Variants in ABCC12 observed in about 807,000 individuals in gnomAD.
ABCC12 encodes ATP binding cassette subfamily C member 12.
A neutral mutation model predicts 151.1 loss-of-function variants in ABCC12; 142 were observed. The ratio of observed to expected loss-of-function variants is 0.94; its 90% CI spans 0.82 to 1.08. The LOEUF is 1.08. ABCC12 is among the 50% of genes least tolerant of loss of function. The probability of loss-of-function intolerance (pLI) is 0.00; values close to 1 mark genes in which losing one functional copy is unlikely to be tolerated. For missense variants in ABCC12, 1,638 were observed against 1,691.1 expected (o/e 0.97, Z 0.55); for synonymous variants, 645 against 646.4 (o/e 1.00, Z 0.03).
chr16:48,131,685 G>A (rs1437455559), intron 9 of ABCC12, among the ~76,000 whole-genome samples: 1 of 152,056 alleles, frequency 6.6e-6, no homozygotes, highest in Non-Finnish European at 1.5e-5. Flanking sequence ...ATTAGCAGCC[G>A]CTCCCTAGCT....
chr16:48,109,629 C>T (rs572309296), intron 18 of ABCC12, among the ~76,000 whole-genome samples: 23 of 152,356 alleles, frequency 1.5e-4, no homozygotes, highest in Admixed American at 9.1e-4. Context: ...CCATTATACT[C>T]GCTGCCTGGG....
chr16:48,149,077 C>T (rs1271736549), intron 2 of ABCC12, among the ~76,000 whole-genome samples: 1 of 151,646 alleles, frequency 6.6e-6, no homozygotes, highest in Non-Finnish European at 1.5e-5. Flanking sequence ...CAATAACACA[C>T]AGTAAAATAT....
Position 48,089,945 on chromosome 16 carries a change from T to G in ABCC12, c.3285+1175A>C, listed in dbSNP as rs182429157. ...TGTTTATAAGTTTAATTAATTAAAT[T>G]TGTACAAACTCAAGAAGGTTTGTTG... On this transcript the variant is annotated intron_variant, in intron 25 of 30. Coordinates refer to ENST00000311303, the MANE Select transcript of ABCC12 (RefSeq NM_001393797.1). 3.6e-3 allele frequency among the ~76,000 whole-genome samples: 547 copies of G among 151,934 alleles called. 10 individuals are homozygous for G. The highest frequency in any genetic ancestry group is 0.012 in the African/African-American group (507 of 41,196).
intron 24 of ABCC12, 171 bp from the exon 25 acceptor site, chr16:48,091,380 G>C: frequency 1.6e-6 from 1 of 622,752 alleles, no homozygotes; most frequent in South Asian, 1.9e-5. Flanking sequence ...AGATATTCCT[G>C]TTCGGGTGTT....
At chr16:48,140,994 C>A in intron 5 of ABCC12, 74 bp from the exon 6 acceptor site, 4 of 1,468,650 alleles carry the variant, frequency 2.7e-6, no homozygotes, top group Non-Finnish European at 3.7e-6. Flanking sequence ...TCAGATCATG[C>A]CAGCAAGCTG....
intron 25 of ABCC12, among the ~76,000 whole-genome samples, chr16:48,090,379 C>T (rs968045627): frequency 5.3e-5 from 8 of 151,564 alleles, no homozygotes; most frequent in Admixed American, 3.9e-4. Context: ...AGGTGCATGC[C>T]ACCACACGTG....
intron 10 of ABCC12, among the ~76,000 whole-genome samples, chr16:48,129,086 A>G (rs1466505818): frequency 1.3e-5 from 2 of 152,248 alleles, no homozygotes; most frequent in East Asian, 3.8e-4. Flanking sequence ...AATCAAGGTC[A>G]TATGCTCAGT....
At position 48,124,201 on chromosome 16, in the gene ABCC12, C is replaced by G. The variant is rs1457152506; in HGVS notation, c.1587+12G>C. The G allele has an allele frequency of 6.2e-7, 1 of 1,613,428 alleles. No individual in the cohort carries two copies. Among genetic ancestry groups the G allele is most frequent in the Admixed American group, 1.7e-5 (1 of 60,026 alleles). On this transcript the variant is annotated intron_variant, in intron 12 of 30. Coordinates refer to ENST00000311303, the MANE Select transcript of ABCC12 (RefSeq NM_001393797.1). ...AATGTTCCATCTTCACAGCACTCAT[C>G]ACACAGCTTACCTGTCCTAGGAGAG...
At chr16:48,153,103 A>C (rs1333190111) in intron 2 of ABCC12, among the ~76,000 whole-genome samples, 2 of 152,176 alleles carry the variant, frequency 1.3e-5, no homozygotes, top group Non-Finnish European at 2.9e-5. Context: ...CTCCTGCTCT[A>C]AAAAAATAAA....
Position 48,100,873 on chromosome 16 carries a change from A to G in ABCC12, c.3037T>C (p.Tyr1013His), listed in dbSNP as rs6500304. 0.014 allele frequency: 22,958 copies of G among 1,613,850 alleles called. 2,809 individuals carry two copies. In the African/African-American group the frequency reaches 0.27, roughly 19 times the overall value. ...GGCAGGGCCCCACATGGGACTCACT[A>G]GGTGATGCAGCTCTCCTTCTTGCCA... Reference protein sequence around the residue: ...AYGKKESCITYHLLYFNCALR... With the variant: ...AYGKKESCITHHLLYFNCALR... Residue 1013 changes from tyrosine (Y) to histidine (H), a missense_variant and splice_region_variant, in exon 23 of 31, where the codon TAT becomes CAT. Physicochemically the swap from Tyr to His is moderately conservative, Grantham distance 83 (BLOSUM62 2). Coordinates refer to ENST00000311303, the MANE Select transcript of ABCC12 (RefSeq NM_001393797.1).
At position 48,088,619 on chromosome 16, in the gene ABCC12, G is replaced by T. The variant is rs138255381; in HGVS notation, c.3401C>A (p.Pro1134His). 1.2e-5 allele frequency: 19 copies of T among 1,614,084 alleles called. No homozygotes were observed. In the African/African-American group the frequency reaches 1.3e-4, roughly 11 times the overall value. Reference protein sequence around the residue: ...DYQMRYRDNTPLVLDSLNLNI... With the variant: ...DYQMRYRDNTHLVLDSLNLNI... ...CAAGTTCAGGCTGTCGAGAACAAGG[G>T]GGGTGTTGTCTCTGTATCTCATCTG... The change falls in exon 26 of 31, where the codon CCC becomes CAC. Residue 1134 changes from proline (P) to histidine (H), a missense_variant. Transcript: ENST00000311303.
At chr16:48,126,335 C>T (rs964992551) in intron 11 of ABCC12, among the ~76,000 whole-genome samples, 1 of 152,138 alleles carries the variant, frequency 6.6e-6, no homozygotes, top group African/African-American at 2.4e-5. Flanking sequence ...AGGCCTGTAT[C>T]CTCTGATGAT....
intron 18 of ABCC12, among the ~76,000 whole-genome samples, chr16:48,109,783 C>T (rs1385500823): frequency 1.3e-5 from 2 of 152,264 alleles, no homozygotes; most frequent in East Asian, 3.8e-4. Flanking sequence ...TGGTCACATT[C>T]CCTCGCAGCC....
chr16:48,107,448 C>G, intron 19 of ABCC12, 23 bp from the exon 20 acceptor site: 1 of 1,602,166 alleles, frequency 6.2e-7, no homozygotes, highest in South Asian at 1.1e-5. Flanking sequence ...CGGAGAGGCC[C>G]AAGGGGCTGC....
intron 10 of ABCC12, among the ~76,000 whole-genome samples, chr16:48,130,057 C>T (rs1298846730): frequency 6.6e-6 from 1 of 152,182 alleles, no homozygotes; most frequent in Non-Finnish European, 1.5e-5. Flanking sequence ...AATCAGGATG[C>T]TTACGATGAC....
intron 11 of ABCC12, among the ~76,000 whole-genome samples, chr16:48,127,419 A>G (rs975249580): frequency 2.6e-5 from 4 of 152,162 alleles, no homozygotes; most frequent in Non-Finnish European, 5.9e-5. Flanking sequence ...TCTTGAGGGG[A>G]GAGAACAACA....
chr16:48,096,695 T>C (rs763443563), intron 24 of ABCC12, 51 bp downstream of exon 24: 1 of 1,589,214 alleles, frequency 6.3e-7, no homozygotes, highest in Admixed American at 1.7e-5. Context: ...CTCGCTGATG[T>C]ATTACAGGCC....
At chr16:48,091,266 A>C in intron 24 of ABCC12, 57 bp from the exon 25 acceptor site, 1 of 1,501,262 alleles carries the variant, frequency 6.7e-7, no homozygotes, top group Non-Finnish European at 9.3e-7. Flanking sequence ...CGGGTTCTGC[A>C]GCTCCCCGTT....
intron 21 of ABCC12, among the ~76,000 whole-genome samples, chr16:48,104,840 G>A (rs929243224): frequency 2.6e-5 from 4 of 152,206 alleles, no homozygotes; most frequent in East Asian, 3.9e-4. Flanking sequence ...GGGCCGTGTC[G>A]CACTCAGGGC....
Sources: allele counts gnomAD v4.1 joint callset (sites outside exome capture counted in the v4.1 genomes callset), GRCh38; gene constraint gnomAD v4.1.1; transcripts MANE v1.5; gene names NCBI Gene and HGNC (gene_info 2026-07-23, HGNC 2026-07-21).